The following CCDC59 variants were observed in gnomAD, a reference collection of about 807,000 sequenced individuals.
CCDC59 encodes coiled-coil domain containing 59.
Under a neutral mutation model 30.5 loss-of-function variants are expected in CCDC59, and 27 were observed. That is an observed-to-expected ratio of 0.89 (90% confidence interval 0.65 to 1.22). The LOEUF (loss-of-function observed/expected upper bound fraction) is 1.22, where lower values mean the gene tolerates loss of function less well. Among genes scored for constraint, CCDC59 ranks in the 50% most tolerant of loss-of-function variants. CCDC59 has a pLI of 0.00. For missense variants in CCDC59, 362 were observed against 284.4 expected, an observed-to-expected ratio of 1.27 and a Z score of -1.96; for synonymous variants, 125 against 100.9, an observed-to-expected ratio of 1.24 and a Z score of -1.43.
At chr12:82,357,770 C>T (rs965983250) in intron 1 of CCDC59, among the ~76,000 whole-genome samples, 2 of 152,094 alleles carry the variant, frequency 1.3e-5, no homozygotes, top group Non-Finnish European at 2.9e-5. Context: ...TTATATATTC[C>T]AAGTGGGATC....
chr12:82,358,165 C>T (rs779756053), intron 1 of CCDC59, 58 bp downstream of exon 1: 91 of 1,600,694 alleles, frequency 5.7e-5, no homozygotes, highest in Non-Finnish European at 7.8e-5. Flanking sequence ...TTCAGCGAAT[C>T]TTATATCCTA....
At chr12:82,353,755 A>C (rs1880903364) in intron 3 of CCDC59, among the ~76,000 whole-genome samples, 1 of 152,160 alleles carries the variant, frequency 6.6e-6, no homozygotes. Context: ...GATGTTAAGA[A>C]TTCTTAATTA....
chr12:82,353,695 C>A (rs1358709146), intron 3 of CCDC59, among the ~76,000 whole-genome samples: 1 of 152,118 alleles, frequency 6.6e-6, no homozygotes, highest in East Asian at 1.9e-4. Flanking sequence ...AAGAAATTTT[C>A]CTGCTTTCTC....
At chr12:82,354,669 C>T in intron 2 of CCDC59, 75 bp from the exon 3 acceptor site, 1 of 1,350,470 alleles carries the variant, frequency 7.4e-7, no homozygotes, top group Non-Finnish European at 9.8e-7. Flanking sequence ...ACAGTTGTAG[C>T]TTTTAAGAGT....
intron 2 of CCDC59, 93 bp downstream of exon 2, chr12:82,356,867 T>C: frequency 9.8e-7 from 1 of 1,023,108 alleles, no homozygotes; most frequent in Non-Finnish European, 1.4e-6. Flanking sequence ...ATGTGTTAAA[T>C]AAGAAAAAAT....
Position 82,352,508 on chromosome 12 carries a change from G to C in CCDC59, c.*643C>G, listed in dbSNP as rs1010859250. On this transcript the variant is annotated 3_prime_UTR_variant, in exon 4 of 4. Transcript: ENST00000256151. Reference sequence around the variant, plus strand: ...ACAGAGATAATGTTCTTAAAGTATAGGGTCCATAGGAACTGGAAAGCTTAA... The same window carrying C: ...ACAGAGATAATGTTCTTAAAGTATACGGTCCATAGGAACTGGAAAGCTTAA... The C allele has an allele frequency of 6.6e-6, 1 of 152,206 alleles. No individual in the cohort carries two copies. The highest frequency in any genetic ancestry group is 2.4e-5 in the African/African-American group (1 of 41,454). The allele number at this position is 152,206 out of a possible 1,614,324, so 9.4% of individuals were successfully genotyped here.
At chr12:82,357,340 T>A in intron 1 of CCDC59, 71 bp from the exon 2 acceptor site, 2 of 1,311,926 alleles carry the variant, frequency 1.5e-6, no homozygotes, top group Non-Finnish European at 2.1e-6. Flanking sequence ...AGCTGTTAAT[T>A]ACAAATGAAA....
At chr12:82,358,090 G>T in intron 1 of CCDC59, 133 bp downstream of exon 1, 2 of 955,810 alleles carry the variant, frequency 2.1e-6, no homozygotes, top group Non-Finnish European at 3.1e-6. Flanking sequence ...GCTTTAGCGG[G>T]CTCAGGAATG....
upstream of CCDC59, chr12:82,358,644 C>G: frequency 6.2e-7 from 1 of 1,614,182 alleles, no homozygotes; most frequent in Middle Eastern, 1.6e-4. Context: ...GCTGCAGTTC[C>G]TGAGGGATGC....
rs567392617 is a variant in CCDC59, at chr12:82,354,648, G to A, written c.465-54C>T. ...CTTTATTAGTAAAATGTCCAAAAAG[G>A]TATTAAAAACACAGTTGTAGCTTTT... is the stretch of plus-strand genomic sequence containing the variant. On this transcript the variant is annotated intron_variant, in intron 2 of 3. Transcript: ENST00000256151. 6 of 1,490,624 alleles carry A rather than the reference G, an allele frequency of 4.0e-6. No individual in the cohort carries two copies. In the East Asian group the frequency reaches 1.0e-4, roughly 25 times the overall value. The allele number at this position is 1,490,624 out of a possible 1,614,324, so 92.3% of individuals were successfully genotyped here.
chr12:82,353,007 C>A lies in CCDC59; in HGVS notation c.*144G>T. 3.4e-6 allele frequency: 2 copies of A among 594,518 alleles called. No homozygotes were observed. Among genetic ancestry groups the A allele is most frequent in the Non-Finnish European group, 5.5e-6 (2 of 365,242 alleles). 36.8% of individuals were successfully genotyped at this position (594,518 alleles called of 1,614,324 possible). A position where few individuals can be genotyped will look rare whatever the true frequency, so the allele number is the denominator to read the frequency against. On this transcript the variant is annotated 3_prime_UTR_variant, in exon 4 of 4. Coordinates refer to ENST00000256151, the MANE Select transcript of CCDC59 (RefSeq NM_014167.5). ...AGAACATATTTAGAAAATTTTTTAC[C>A]ATAATAAAAATATGTGAACATCTTA... is the stretch of plus-strand genomic sequence containing the variant.
intron 1 of CCDC59, among the ~76,000 whole-genome samples, chr12:82,357,625 A>C (rs1447182048): frequency 1.3e-5 from 2 of 152,210 alleles, no homozygotes; most frequent in Admixed American, 6.5e-5. Flanking sequence ...TAAATGCTTA[A>C]AAAATAGGAA....
intron 3 of CCDC59, among the ~76,000 whole-genome samples, chr12:82,353,578 C>A (rs1158818784): frequency 6.6e-6 from 1 of 152,092 alleles, no homozygotes; most frequent in East Asian, 1.9e-4. Context: ...TGTTTTACAG[C>A]ATAATGGTCA....
At chr12:82,357,523 TTCAGA>T in intron 1 of CCDC59, among the ~76,000 whole-genome samples, 1 of 152,344 alleles carries the variant, frequency 6.6e-6, no homozygotes, top group African/African-American at 2.4e-5. Flanking sequence ...AACTGACCAG[TTCAGA>T]CTGTTGCACA....
At chr12:82,354,661 A>G in intron 2 of CCDC59, 67 bp from the exon 3 acceptor site, 1 of 1,441,376 alleles carries the variant, frequency 6.9e-7, no homozygotes, top group Non-Finnish European at 9.2e-7. Flanking sequence ...TTAAAAACAC[A>G]GTTGTAGCTT....
intron 2 of CCDC59, 70 bp downstream of exon 2, chr12:82,356,890 T>C (rs966118048): frequency 3.3e-6 from 4 of 1,201,338 alleles, no homozygotes; most frequent in South Asian, 1.7e-5. Context: ...AATTCCTATA[T>C]AAATTATCCT....
Position 82,358,254 on chromosome 12 carries a change from G to C in CCDC59, c.123C>G (p.His41Gln), listed in dbSNP as rs371939886. 2.5e-6 allele frequency: 4 copies of C among 1,614,062 alleles called. No individual in the cohort carries two copies. The highest frequency in any genetic ancestry group is 1.3e-5 in the African/African-American group (1 of 74,924). ...NVRQKTWRPN[H>Q]PQAFVGSVRE... ...GAACGCTCCCCACGAAGGCTTGCGG[G>C]TGGTTAGGCCGCCATGTCTTCTGTC... The change falls in exon 1 of 4, where the codon CAC becomes CAG. Residue 41 changes from histidine (H) to glutamine (Q), a missense_variant. Coordinates refer to ENST00000256151, the MANE Select transcript of CCDC59 (RefSeq NM_014167.5).
chr12:82,358,307 T>C lies in CCDC59; in HGVS notation c.70A>G (p.Thr24Ala). The C allele has an allele frequency of 1.2e-6, 2 of 1,614,144 alleles. No individual in the cohort carries two copies. Among genetic ancestry groups the C allele is most frequent in the Non-Finnish European group, 1.7e-6 (2 of 1,180,032 alleles). Reference sequence around the variant, plus strand: ...ACATTCTTATTCCTGTACCCGACAGTGGAAACCCCTTCACCACGCGCCTCA... The same window carrying C: ...ACATTCTTATTCCTGTACCCGACAGCGGAAACCCCTTCACCACGCGCCTCA... Reference protein sequence around the residue: ...GIEARGEGVSTVGYRNKNVRQ... With the variant: ...GIEARGEGVSAVGYRNKNVRQ... Residue 24 changes from threonine to alanine, a missense_variant, in exon 1 of 4, where the codon ACT (threonine) becomes GCT (alanine). Physicochemically the swap from Thr to Ala is moderately conservative, Grantham distance 58. Coordinates refer to ENST00000256151, the MANE Select transcript of CCDC59 (RefSeq NM_014167.5).
At chr12:82,358,732 A>G, upstream of CCDC59, 1 of 1,614,090 alleles carries the variant, frequency 6.2e-7, no homozygotes, top group Non-Finnish European at 8.5e-7. Context: ...TTGCCACCGG[A>G]GACAGTGCTG....
Sources: allele counts gnomAD v4.1 joint callset (sites outside exome capture counted in the v4.1 genomes callset), GRCh38; gene constraint gnomAD v4.1.1; transcripts MANE v1.5; gene names NCBI Gene and HGNC (gene_info 2026-07-23, HGNC 2026-07-21).